Variants in MAP3K4 observed in about 807,000 individuals in gnomAD.
The protein encoded by MAP3K4 is MAP three kinase 1.
In MAP3K4, 67 loss-of-function variants were observed where a neutral mutation model predicts 185.6. The observed-to-expected ratio is 0.36, with a 90% CI of 0.30 to 0.44. MAP3K4 has a LOEUF of 0.44. Among genes scored for constraint, MAP3K4 ranks in the 20% least tolerant of loss-of-function variants. MAP3K4 has a pLI of 1.00. For synonymous variants in MAP3K4, 702 were observed against 710.4 expected (o/e 0.99, Z 0.19); for missense variants, 1,551 against 1,995.1 (o/e 0.78, Z 4.24).
rs1413258137 is a variant in MAP3K4 at position 161,043,563 on chromosome 6, T to C, written c.344-5053T>C. The stretch of plus-strand genomic sequence containing the variant: ...ACCATGTGTCTAACCATCTGTGTTC[T>C]GTGATAATCTTCATCATCATGTTGT... On this transcript the variant is annotated intron_variant, in intron 2 of 26. Transcript: ENST00000392142. The surrounding 1 kb of genome is among the most constrained non-coding windows in gnomAD (Gnocchi z 4.3). Among the ~76,000 whole-genome samples, 1 of 152,252 alleles carries C rather than the reference T, an allele frequency of 6.6e-6. No individual in the cohort carries two copies.
intron 2 of MAP3K4, among the ~76,000 whole-genome samples, chr6:161,044,737 A>G (rs959994294): frequency 3.9e-5 from 6 of 152,210 alleles, no homozygotes; most frequent in Admixed American, 3.3e-4. Context: ...ATGCTATACA[A>G]GCGTGGCACC....
rs762938801 is a variant in MAP3K4, at chr6:161,092,085, C to T, written c.3211C>T (p.Arg1071Trp). 4.3e-6 allele frequency: 7 copies of T among 1,613,676 alleles called. No homozygotes were observed. The highest frequency in any genetic ancestry group is 4.5e-5 in the East Asian group (2 of 44,836). The change falls in exon 13 of 27, where the codon CGG (arginine) becomes TGG (tryptophan). Residue 1071 changes from arginine to tryptophan, a missense_variant. Arg to Trp is a moderately radical substitution (Grantham distance 101). Transcript: ENST00000392142. ...AGGAGACAAATATATAAGCTTTGCC[C>T]GGAAGTGGATGAATTATGTCCTGAC... is the stretch of plus-strand genomic sequence containing the variant. ...KIGDKYISFARKWMNYVLTKC... is the reference protein window; with the variant it reads ...KIGDKYISFAWKWMNYVLTKC...
rs772158482 is a variant in MAP3K4 at position 161,034,408 on chromosome 6, G to A, written c.302G>A (p.Arg101Lys). The A allele has an allele frequency of 6.2e-7, 1 of 1,613,924 alleles. No homozygotes were observed. The highest frequency in any genetic ancestry group is 8.5e-7 in the Non-Finnish European group (1 of 1,179,884). The change falls in exon 2 of 27, where the codon AGG becomes AAG. Residue 101 changes from arginine to lysine, a missense_variant. Arg to Lys is a conservative substitution (Grantham distance 26). Transcript: ENST00000392142. The surrounding 1 kb of genome is among the most constrained non-coding windows in gnomAD (Gnocchi z 4.4). Reference protein sequence around the residue: ...QMKRMSTKHQRNNVGRPASRS... With the variant: ...QMKRMSTKHQKNNVGRPASRS... Reference sequence around the variant, plus strand: ...AAACGCATGTCAACCAAACATCAGAGGAATAATGTGGGGAGGCCAGCCAGT... The same window carrying A: ...AAACGCATGTCAACCAAACATCAGAAGAATAATGTGGGGAGGCCAGCCAGT...
At chr6:161,000,818 CAT>C (rs34726207) in intron 1 of MAP3K4, among the ~76,000 whole-genome samples, 3,336 of 141,974 alleles carry the variant, frequency 0.023, 123 homozygotes, top group African/African-American at 0.091. Context: ...TATATACACA[CAT>C]GTGTATGCAC....
chr6:161,067,498 ATTATTTTAGTGG>A lies in MAP3K4; in HGVS notation c.1708-3100_1708-3089del, dbSNP rs1784762781. ...ACCCTGACCACATTTATTACAAGTA[ATTATTTTAGTGG>A]TTATTTTAGAAATTCTTGCCTGTTA... On this transcript the variant is annotated intron_variant, in intron 3 of 26. Transcript: ENST00000392142. The surrounding 1 kb of genome is among the most constrained non-coding windows in gnomAD (Gnocchi z 6.3). 6.6e-6 allele frequency among the ~76,000 whole-genome samples: 1 copy of A among 152,144 alleles called. No homozygotes were observed. The highest frequency in any genetic ancestry group is 1.5e-5 in the Non-Finnish European group (1 of 68,026).
rs1778241925 is a variant in MAP3K4, at chr6:161,109,286, A to T, written c.4236+427A>T. Among the ~76,000 whole-genome samples the T allele has an allele frequency of 6.6e-6, 1 of 152,236 alleles. No individual in the cohort carries two copies. Among genetic ancestry groups the T allele is most frequent in the Admixed American group, 6.5e-5 (1 of 15,286 alleles). The stretch of plus-strand genomic sequence containing the variant: ...ATTGAGTTTCCTCCTTGTGTTTAGA[A>T]ATAAACACGTCGAGGGAAAGAGGAT... On this transcript the variant is annotated intron_variant, in intron 22 of 26. Transcript: ENST00000392142. This position sits in a 1 kb window ranked among gnomAD's most constrained non-coding sequence, Gnocchi z 5.7.
intron 1 of MAP3K4, among the ~76,000 whole-genome samples, chr6:161,030,373 T>G (rs1782868521): frequency 6.6e-6 from 1 of 152,144 alleles, no homozygotes; most frequent in African/African-American, 2.4e-5. Flanking sequence ...TTGAGTCATT[T>G]CTGGTCTGTT....
rs1785912100 is a variant in MAP3K4, at chr6:161,089,393, C to T, written c.2895C>T (p.Ser965=). The change falls in exon 11 of 27, where the codon TCC becomes TCT. Residue 965 remains serine, a synonymous_variant. Coordinates refer to ENST00000392142, the MANE Select transcript of MAP3K4 (RefSeq NM_005922.4). ...TTCAGAGAAAAGCTTTCCAGCAGTC[C>T]ATTGAGGGACTTATGACTCTGTGCC... The part of the protein sequence containing the change: ...LTIQRKAFQQ[S]IEGLMTLCQE... The T allele has an allele frequency of 6.2e-7, 1 of 1,614,166 alleles. No homozygotes were observed. Among genetic ancestry groups the T allele is most frequent in the Non-Finnish European group, 8.5e-7 (1 of 1,180,036 alleles).
intron 1 of MAP3K4, among the ~76,000 whole-genome samples, chr6:160,997,811 T>C (rs1235680467): frequency 6.6e-6 from 1 of 152,164 alleles, no homozygotes; most frequent in Non-Finnish European, 1.5e-5. Flanking sequence ...GGCATGACAC[T>C]TGACCCAGTC....
At chr6:161,062,977 A>G (rs116016507) in intron 3 of MAP3K4, among the ~76,000 whole-genome samples, 3,791 of 151,892 alleles carry the variant, frequency 0.025, 170 homozygotes, top group African/African-American at 0.087. Flanking sequence ...CTCTTTATAT[A>G]TTTTGGATCT....
chr6:161,092,229 G>C, intron 13 of MAP3K4, 86 bp downstream of exon 13: 1 of 1,458,764 alleles, frequency 6.9e-7, no homozygotes, highest in South Asian at 1.3e-5. Flanking sequence ...TTCTTTTTGA[G>C]CAGACGACAC....
At position 161,093,713 on chromosome 6, in the gene MAP3K4, C is replaced by T; in HGVS notation, c.3349-60C>T. On this transcript the variant is annotated intron_variant, in intron 14 of 26. Transcript: ENST00000392142. This position sits in a 1 kb window ranked among gnomAD's most constrained non-coding sequence, Gnocchi z 5.2. ...ACTGAAAATTAATTTGTGCTACTTA[C>T]ATAATTAAGAAAGTATGCATGTTTT... 2.1e-6 allele frequency: 2 copies of T among 955,404 alleles called. No homozygotes were observed. Among genetic ancestry groups the T allele is most frequent in the Non-Finnish European group, 1.7e-6 (1 of 601,582 alleles). 59.2% of individuals were successfully genotyped at this position (955,404 alleles called of 1,614,324 possible). A position where few individuals can be genotyped will look rare whatever the true frequency, so the allele number is the denominator to read the frequency against.
Position 161,107,220 on chromosome 6 carries a change from G to A in MAP3K4, c.4048+515G>A, listed in dbSNP as rs1778123094. 6.6e-6 allele frequency among the ~76,000 whole-genome samples: 1 copy of A among 152,138 alleles called. No homozygotes were observed. Among genetic ancestry groups the A allele is most frequent in the Non-Finnish European group, 1.5e-5 (1 of 68,022 alleles). On this transcript the variant is annotated intron_variant, in intron 20 of 26. Transcript: ENST00000392142. This position sits in a 1 kb window ranked among gnomAD's most constrained non-coding sequence, Gnocchi z 6.2. ...TAAATTATGTGAGGGAAGAAGTCTT[G>A]TGTTTCAGATCCTTTCCCCACTTAA...
Position 161,093,130 on chromosome 6 carries a change from T to C in MAP3K4, c.3348+74T>C. ...CCTTATTTTCTGGTTGTATATGTTT[T>C]ATATGTAATAGTGGTTTTTTTCATG... On this transcript the variant is annotated intron_variant, in intron 14 of 26. Coordinates refer to ENST00000392142, the MANE Select transcript of MAP3K4 (RefSeq NM_005922.4). This position sits in a 1 kb window ranked among gnomAD's most constrained non-coding sequence, Gnocchi z 5.2. 1 of 992,446 alleles carries C rather than the reference T, an allele frequency of 1.0e-6. No homozygotes were observed. Among genetic ancestry groups the C allele is most frequent in the Non-Finnish European group, 1.6e-6 (1 of 641,298 alleles). The allele number at this position is 992,446 out of a possible 1,614,324, so 61.5% of individuals were successfully genotyped here. A position where few individuals can be genotyped will look rare whatever the true frequency, so the allele number is the denominator to read the frequency against.
rs568923743 is a variant in MAP3K4, at chr6:161,090,484, T to A, written c.2974-895T>A. Among the ~76,000 whole-genome samples the A allele has an allele frequency of 2.0e-5, 3 of 146,806 alleles. No homozygotes were observed. The East Asian group carries it at 6.0e-4, about 29-fold the overall frequency. ...GCAGGGCTTCTCAGCCTCTTGGATGTGGACGTTTGGGCCCGTAACTCTTGG... is the reference window on the plus strand; with the variant it reads ...GCAGGGCTTCTCAGCCTCTTGGATGAGGACGTTTGGGCCCGTAACTCTTGG... On this transcript the variant is annotated intron_variant, in intron 11 of 26. Coordinates refer to ENST00000392142, the MANE Select transcript of MAP3K4 (RefSeq NM_005922.4).
chr6:161,006,109 A>G (rs753618278), intron 1 of MAP3K4, among the ~76,000 whole-genome samples: 1 of 152,240 alleles, frequency 6.6e-6, no homozygotes, highest in African/African-American at 2.4e-5. Context: ...TATTAAACCA[A>G]CAATATAAAC....
chr6:161,085,807 C>T (rs73026059), intron 7 of MAP3K4, among the ~76,000 whole-genome samples: 3,235 of 152,260 alleles, frequency 0.021, 59 homozygotes, highest in Middle Eastern at 0.034. Context: ...AACTAGAGAG[C>T]GGTTCCAGTT....
At position 161,091,079 on chromosome 6, in the gene MAP3K4, C is replaced by T. The variant is rs998901407; in HGVS notation, c.2974-300C>T. 6.6e-6 allele frequency among the ~76,000 whole-genome samples: 1 copy of T among 152,066 alleles called. No homozygotes were observed. Among genetic ancestry groups the T allele is most frequent in the Admixed American group, 6.5e-5 (1 of 15,268 alleles). ...GCACCCGTACTTATGGTTGAGCAAC[C>T]GTCCAGGAGGAGAAAACAACAGGTG... On this transcript the variant is annotated intron_variant, in intron 11 of 26. Coordinates refer to ENST00000392142, the MANE Select transcript of MAP3K4 (RefSeq NM_005922.4). This position sits in a 1 kb window ranked among gnomAD's most constrained non-coding sequence, Gnocchi z 5.5.
chr6:161,062,322 T>C (rs574571993), intron 3 of MAP3K4, among the ~76,000 whole-genome samples: 4 of 152,202 alleles, frequency 2.6e-5, no homozygotes, highest in Non-Finnish European at 5.9e-5. Context: ...ATCTGTATTA[T>C]CAATCATACA....
Sources: gnomAD v4.1 joint callset for allele counts (sites outside exome capture counted in the v4.1 genomes callset) on GRCh38, gnomAD v4.1.1 for gene constraint, Gnocchi (gnomAD v3.1) non-coding constraint, MANE v1.5 for transcripts, NCBI Gene and HGNC (gene_info 2026-07-23, HGNC 2026-07-21) for gene names.